MTIF3: variants seen among roughly 807,000 people sequenced by gnomAD.
MTIF3 encodes the protein mitochondrial translational initiation factor 3, also known as translation initiation factor IF-3, mitochondrial.
A neutral mutation model predicts 20.7 loss-of-function variants in MTIF3; 13 were observed. The ratio of observed to expected loss-of-function variants is 0.63; its 90% CI spans 0.41 to 1.00. The LOEUF (loss-of-function observed/expected upper bound fraction) is 1.00, where lower values mean the gene tolerates loss of function less well. Ranked by LOEUF, MTIF3 falls within the 50% of genes least tolerant of loss-of-function variation. MTIF3 has a pLI of 0.00. For missense variants in MTIF3, 295 were observed against 324.5 expected, an observed-to-expected ratio of 0.91 and a Z score of 0.70; for synonymous variants, 114 against 112.5, an observed-to-expected ratio of 1.01 and a Z score of -0.08.
intron 1 of MTIF3, among the ~76,000 whole-genome samples, chr13:27,448,992 G>A (rs1018740591): frequency 0.021 from 1 of 48 alleles, no homozygotes; most frequent in African/African-American, 0.071. Context: ...AATGAGCTGA[G>A]ATCGTGCACC....
intron 1 of MTIF3, among the ~76,000 whole-genome samples, chr13:27,445,403 G>A (rs1299065490): frequency 1.3e-5 from 2 of 151,950 alleles, no homozygotes; most frequent in South Asian, 2.1e-4. Context: ...TTGAGCCCAG[G>A]AGGTTGAGGC....
chr13:27,444,022 G>A (rs1277511839), intron 2 of MTIF3, among the ~76,000 whole-genome samples: 2 of 152,034 alleles, frequency 1.3e-5, no homozygotes, highest in Non-Finnish European at 2.9e-5. Flanking sequence ...CTGGAAGTAG[G>A]GCCGGGTGCA....
chr13:27,446,946 C>T (rs1954199710), intron 1 of MTIF3, among the ~76,000 whole-genome samples: 1 of 152,012 alleles, frequency 6.6e-6, no homozygotes, highest in Non-Finnish European at 1.5e-5. Flanking sequence ...TATAATTCGT[C>T]CATGTAATGA....
chr13:27,443,327 C>T (rs769942912), intron 2 of MTIF3, among the ~76,000 whole-genome samples: 4 of 151,920 alleles, frequency 2.6e-5, no homozygotes, highest in Non-Finnish European at 4.4e-5. Flanking sequence ...GCCCCCAAAC[C>T]AAAAAAGAAG....
At position 27,437,146 on chromosome 13, in the gene MTIF3, T is replaced by C. The variant is rs1478438554; in HGVS notation, c.588A>G (p.Gly196=). 1 of 1,613,876 alleles carries C rather than the reference T, an allele frequency of 6.2e-7. No homozygotes were observed. Among genetic ancestry groups the C allele is most frequent in the African/African-American group, 1.3e-5 (1 of 74,886 alleles). ...KHLVQITIKK[G]KNVDVSENEM... ...CATTTTCTGACACGTCTACATTTTT[T>C]CCTTTCTTTATGGTAATCTGGACTA... The change falls in exon 4 of 5, where the codon GGA becomes GGG. Residue 196 remains glycine (G), a synonymous_variant. Transcript: ENST00000381120.
Position 27,437,280 on chromosome 13 carries a change from T to C in MTIF3, c.461-7A>G, listed in dbSNP as rs1593186302. 6.2e-7 allele frequency: 1 copy of C among 1,612,686 alleles called. No homozygotes were observed. Among genetic ancestry groups the C allele is most frequent in the East Asian group, 2.2e-5 (1 of 44,876 alleles). On this transcript the variant is annotated splice_region_variant and splice_polypyrimidine_tract_variant and intron_variant, in intron 3 of 4. Transcript: ENST00000381120. Reference sequence around the variant, plus strand: ...TCCTTTCTCAGGGTTGGTCCTGGTTTGAAACAGATAGGGTGCAAGGACTAC... The same window carrying C: ...TCCTTTCTCAGGGTTGGTCCTGGTTCGAAACAGATAGGGTGCAAGGACTAC...
chr13:27,436,813 G>A (rs1040450179), intron 4 of MTIF3, among the ~76,000 whole-genome samples: 3 of 144,490 alleles, frequency 2.1e-5, no homozygotes, highest in East Asian at 2.0e-4. Context: ...GTGCAGTGGC[G>A]CGATCTCGGC....
chr13:27,443,077 G>A lies in MTIF3; in HGVS notation c.-2+2011C>T, dbSNP rs749185276. 1.2e-4 allele frequency among the ~76,000 whole-genome samples: 18 copies of A among 152,208 alleles called. 1 individual carries two copies. The highest frequency in any genetic ancestry group is 1.9e-4 in the East Asian group (1 of 5,194). ...ACCTCTACACCTTCGGATGTGTCACGAATGCCTACAAACTACACCCTTCAC... is the reference window on the plus strand; with the variant it reads ...ACCTCTACACCTTCGGATGTGTCACAAATGCCTACAAACTACACCCTTCAC... On this transcript the variant is annotated intron_variant, in intron 2 of 4. Transcript: ENST00000381120.
intron 1 of MTIF3, among the ~76,000 whole-genome samples, chr13:27,447,311 TG>T (rs1954213759): frequency 6.6e-6 from 1 of 151,972 alleles, no homozygotes; most frequent in African/African-American, 2.4e-5. Context: ...CTTTCAAAGT[TG>T]AATAAAAATA....
chr13:27,437,543 G>A (rs79734873), intron 3 of MTIF3, among the ~76,000 whole-genome samples: 2,476 of 152,292 alleles, frequency 0.016, 61 homozygotes, highest in African/African-American at 0.055. Flanking sequence ...AAAGATAGTC[G>A]TTTAAAGGAT....
chr13:27,440,148 G>C lies in MTIF3; in HGVS notation c.301C>G (p.His101Asp), dbSNP rs1294516934. The change falls in exon 3 of 5, where the codon CAC (histidine) becomes GAC (aspartate). Residue 101 changes from histidine to aspartate, a missense_variant. Transcript: ENST00000381120. ...ATAAGTCTAATCACATTTGCTCGGT[G>C]CATGTTTCCCAAATCATTGCCCTTC... ...DEKGNDLGNMHRANVIRLMDE... is the reference protein window; with the variant it reads ...DEKGNDLGNMDRANVIRLMDE... The C allele has an allele frequency of 1.9e-6, 3 of 1,614,094 alleles. No individual in the cohort carries two copies. Among genetic ancestry groups the C allele is most frequent in the Non-Finnish European group, 2.5e-6 (3 of 1,180,050 alleles).
chr13:27,444,882 A>AAT (rs1385831646), intron 2 of MTIF3, among the ~76,000 whole-genome samples: 1 of 152,204 alleles, frequency 6.6e-6, no homozygotes, highest in Non-Finnish European at 1.5e-5. Context: ...CATGTCATTT[A>AAT]CAGTTTGGCA....
At chr13:27,449,730 G>A (rs1489258352) in intron 1 of MTIF3, 1 of 152,208 alleles carries the variant, frequency 6.6e-6, no homozygotes, top group African/African-American at 2.4e-5. Flanking sequence ...ACTCTACGAA[G>A]CAGGAACAAA....
At chr13:27,443,517 G>T (rs909185941) in intron 2 of MTIF3, among the ~76,000 whole-genome samples, 1 of 152,030 alleles carries the variant, frequency 6.6e-6, no homozygotes, top group Non-Finnish European at 1.5e-5. Context: ...CTGTATTAGC[G>T]ACAATGATGT....
At position 27,442,473 on chromosome 13, in the gene MTIF3, C is replaced by T. The variant is rs530133080; in HGVS notation, c.-1-2024G>A. Reference sequence around the variant, plus strand: ...GCACACAGAGCAATCCTTAAAAATGCGTAAGTCAGATCACGTTCCTCCTCT... The same window carrying T: ...GCACACAGAGCAATCCTTAAAAATGTGTAAGTCAGATCACGTTCCTCCTCT... On this transcript the variant is annotated intron_variant, in intron 2 of 4. Transcript: ENST00000381120. 7.9e-5 allele frequency among the ~76,000 whole-genome samples: 12 copies of T among 152,268 alleles called. No homozygotes were observed. In the South Asian group the frequency reaches 2.1e-3, roughly 26 times the overall value.
intron 1 of MTIF3, among the ~76,000 whole-genome samples, chr13:27,447,598 T>G (rs1270553122): frequency 6.6e-6 from 1 of 152,250 alleles, no homozygotes; most frequent in Non-Finnish European, 1.5e-5. Flanking sequence ...TATCTGAGTT[T>G]TGACAAGTGC....
chr13:27,436,222 T>C (rs1403464407), intron 4 of MTIF3, among the ~76,000 whole-genome samples: 1 of 152,072 alleles, frequency 6.6e-6, no homozygotes, highest in Non-Finnish European at 1.5e-5. Flanking sequence ...ATCCCCAAGG[T>C]GTCAGCCGAG....
At chr13:27,447,327 G>T (rs182285682) in intron 1 of MTIF3, among the ~76,000 whole-genome samples, 34 of 151,948 alleles carry the variant, frequency 2.2e-4, no homozygotes, top group Non-Finnish European at 2.1e-4. Flanking sequence ...AAAATAGGAA[G>T]CCATGTTCTC....
intron 1 of MTIF3, chr13:27,449,945 CCA>C (rs1954304951): frequency 6.6e-6 from 1 of 152,248 alleles, no homozygotes; most frequent in African/African-American, 2.4e-5. Context: ...AAAAAAAATC[CCA>C]GTCACTTCGC....
Sources: gnomAD v4.1 joint callset for allele counts (sites outside exome capture counted in the v4.1 genomes callset) on GRCh38, gnomAD v4.1.1 for gene constraint, MANE v1.5 for transcripts, NCBI Gene and HGNC (gene_info 2026-07-23, HGNC 2026-07-21) for gene names.